The following CCSER1 variants were observed in gnomAD, a reference collection of about 807,000 sequenced individuals.
CCSER1 encodes the protein coiled-coil serine rich protein 1, also known as serine-rich coiled-coil domain-containing protein 1.
In CCSER1, 41 loss-of-function variants were observed where a neutral mutation model predicts 82.0. The ratio of observed to expected loss-of-function variants is 0.50; its 90% CI spans 0.39 to 0.65. The LOEUF (loss-of-function observed/expected upper bound fraction) is 0.65, where lower values mean the gene tolerates loss of function less well. CCSER1 is among the 30% of genes least tolerant of loss of function. CCSER1 has a pLI of 0.00. For synonymous variants in CCSER1, 414 were observed against 383.9 expected, an observed-to-expected ratio of 1.08 and a Z score of -0.92; for missense variants, 1,119 against 1,064.2, an observed-to-expected ratio of 1.05 and a Z score of -0.72.
At chr4:90,616,774 T>G in intron 5 of CCSER1, among the ~76,000 whole-genome samples, 1 of 147,524 alleles carries the variant, frequency 6.8e-6, no homozygotes, top group African/African-American at 2.6e-5. Flanking sequence ...AGAGAAAAAA[T>G]GTTTTAGGTT....
intron 4 of CCSER1, among the ~76,000 whole-genome samples, chr4:90,403,498 CAA>C (rs753570201): frequency 6.5e-5 from 3 of 46,018 alleles, no homozygotes; most frequent in Non-Finnish European, 4.2e-5. Context: ...GACTCCGTCT[CAA>C]AAAAAAAAAA....
At chr4:90,276,212 T>TTCTTTC (rs1337622390) in intron 1 of CCSER1, among the ~76,000 whole-genome samples, 1 of 73,446 alleles carries the variant, frequency 1.4e-5, no homozygotes, top group African/African-American at 5.3e-5. Context: ...CTTTCTTTCT[T>TTCTTTC]TCTTTCTTTC....
At chr4:90,297,909 A>G (rs1008297514) in intron 1 of CCSER1, among the ~76,000 whole-genome samples, 1 of 152,074 alleles carries the variant, frequency 6.6e-6, no homozygotes, top group African/African-American at 2.4e-5. Context: ...TATTTTATTG[A>G]GGATTTTTGT....
intron 10 of CCSER1, among the ~76,000 whole-genome samples, chr4:91,250,806 A>G (rs1306292976): frequency 6.6e-6 from 1 of 152,050 alleles, no homozygotes; most frequent in Non-Finnish European, 1.5e-5. Flanking sequence ...TTTTCTTCCA[A>G]AATCTCTAGC....
chr4:90,230,788 A>G (rs1400497579), intron 1 of CCSER1, among the ~76,000 whole-genome samples: 1 of 152,084 alleles, frequency 6.6e-6, no homozygotes, highest in Non-Finnish European at 1.5e-5. Context: ...GATAAAGGGG[A>G]TATCACCACC....
chr4:90,437,315 G>A (rs955213972), intron 4 of CCSER1, among the ~76,000 whole-genome samples: 2 of 151,956 alleles, frequency 1.3e-5, no homozygotes, highest in African/African-American at 2.4e-5. Context: ...AGATATAGGT[G>A]TTTTAGTGTA....
At chr4:90,286,929 A>G (rs1214889392) in intron 1 of CCSER1, among the ~76,000 whole-genome samples, 2 of 152,004 alleles carry the variant, frequency 1.3e-5, no homozygotes, top group South Asian at 2.1e-4. Flanking sequence ...AAGTGAATTA[A>G]TCATTGCAGA....
chr4:91,134,662 C>T (rs1397408210), intron 10 of CCSER1, among the ~76,000 whole-genome samples: 1 of 152,088 alleles, frequency 6.6e-6, no homozygotes, highest in East Asian at 1.9e-4. Context: ...AAGAAAATCA[C>T]CATTTAGCAG....
chr4:91,083,129 C>T (rs549041262), intron 9 of CCSER1, among the ~76,000 whole-genome samples: 2 of 152,254 alleles, frequency 1.3e-5, no homozygotes, highest in Non-Finnish European at 2.9e-5. Flanking sequence ...TATTGTGGCA[C>T]TATTCACAAT....
At chr4:90,729,104 G>C (rs1443986037) in intron 7 of CCSER1, among the ~76,000 whole-genome samples, 1 of 152,146 alleles carries the variant, frequency 6.6e-6, no homozygotes, top group Admixed American at 6.5e-5. Context: ...TTTATAAAAT[G>C]ACAACAGCAA....
chr4:91,454,594 A>C (rs1423539570), intron 10 of CCSER1, among the ~76,000 whole-genome samples: 2 of 152,070 alleles, frequency 1.3e-5, no homozygotes, highest in African/African-American at 2.4e-5. Flanking sequence ...TAAGTTCTGG[A>C]TATTTTGAGG....
chr4:90,644,244 TAAACACAA>T (rs1727084993), intron 6 of CCSER1, among the ~76,000 whole-genome samples: 1 of 152,194 alleles, frequency 6.6e-6, no homozygotes, highest in Non-Finnish European at 1.5e-5. Context: ...GACACAAGTC[TAAACACAA>T]AATTCATTTG....
At chr4:90,585,084 A>C (rs1246924003) in intron 5 of CCSER1, among the ~76,000 whole-genome samples, 1 of 152,220 alleles carries the variant, frequency 6.6e-6, no homozygotes, top group Non-Finnish European at 1.5e-5. Context: ...GCAGACCCTT[A>C]ACCAAAAATG....
At chr4:90,393,772 C>CTTTTT (rs997027362) in intron 3 of CCSER1, among the ~76,000 whole-genome samples, 2 of 111,312 alleles carry the variant, frequency 1.8e-5, no homozygotes, top group African/African-American at 3.8e-5. Flanking sequence ...TTATATCTTC[C>CTTTTT]TTTTTTTTTT....
chr4:90,296,659 T>C (rs1401868828), intron 1 of CCSER1, among the ~76,000 whole-genome samples: 1 of 152,182 alleles, frequency 6.6e-6, no homozygotes, highest in Non-Finnish European at 1.5e-5. Context: ...CATCTTGGAT[T>C]AATTTTTGTA....
chr4:91,331,443 C>T (rs557214243), intron 10 of CCSER1, among the ~76,000 whole-genome samples: 4 of 152,216 alleles, frequency 2.6e-5, no homozygotes, highest in Non-Finnish European at 5.9e-5. Context: ...ATCTTTTAGC[C>T]TCATCTTGTT....
intron 10 of CCSER1, among the ~76,000 whole-genome samples, chr4:91,158,267 T>G (rs1326707947): frequency 6.6e-6 from 1 of 152,008 alleles, no homozygotes; most frequent in Non-Finnish European, 1.5e-5. Flanking sequence ...ATGCTTTCTT[T>G]TTGCCTAATC....
intron 9 of CCSER1, among the ~76,000 whole-genome samples, chr4:91,008,742 CG>C (rs1211067209): frequency 6.6e-6 from 1 of 152,084 alleles, no homozygotes; most frequent in Non-Finnish European, 1.5e-5. Context: ...CTGATGTTAC[CG>C]GGTGGTCCTT....
intron 1 of CCSER1, among the ~76,000 whole-genome samples, chr4:90,294,121 G>A (rs766837273): frequency 7.9e-5 from 12 of 151,968 alleles, no homozygotes; most frequent in African/African-American, 2.4e-4. Context: ...GATAGAATCC[G>A]AGCTGTTACA....
Sources: allele counts gnomAD v4.1 joint callset (sites outside exome capture counted in the v4.1 genomes callset), GRCh38; gene constraint gnomAD v4.1.1; transcripts MANE v1.5; gene names NCBI Gene and HGNC (gene_info 2026-07-23, HGNC 2026-07-21).